The following ADGRL2 variants were observed in gnomAD, a reference collection of about 807,000 sequenced individuals.
ADGRL2 encodes calcium-independent alpha-latrotoxin receptor 2.
In ADGRL2, 44 loss-of-function variants were observed where a neutral mutation model predicts 157.4. The observed-to-expected ratio is 0.28, with a 90% CI of 0.22 to 0.36. ADGRL2 has a LOEUF of 0.36. Among genes scored for constraint, ADGRL2 ranks in the 10% least tolerant of loss-of-function variants. The probability of loss-of-function intolerance (pLI) is 1.00; values close to 1 mark genes in which losing one functional copy is unlikely to be tolerated. For synonymous variants in ADGRL2, 585 were observed against 624.7 expected (o/e 0.94, Z 0.95); for missense variants, 1,510 against 1,768.9 (o/e 0.85, Z 2.63).
intron 3 of ADGRL2, among the ~76,000 whole-genome samples, chr1:81,934,713 T>C (rs887878949): frequency 1.3e-5 from 2 of 151,958 alleles, no homozygotes; most frequent in African/African-American, 4.8e-5. Context: ...TGGAGGAGTT[T>C]TTGTAATCAT....
chr1:81,609,469 G>A (rs764618522), intron 3 of ADGRL2, among the ~76,000 whole-genome samples: 3 of 152,138 alleles, frequency 2.0e-5, no homozygotes, highest in Non-Finnish European at 2.9e-5. Flanking sequence ...GGAAGAAAGT[G>A]AGCTCCTCTC....
intron 2 of ADGRL2, among the ~76,000 whole-genome samples, chr1:81,845,076 A>C (rs2092733177): frequency 6.6e-6 from 1 of 152,260 alleles, no homozygotes; most frequent in Middle Eastern, 3.4e-3. Flanking sequence ...ATAAAGCCAA[A>C]TTATGTATAA....
rs2084369719 is a variant in ADGRL2 at position 81,722,590 on chromosome 1, G to A, written c.-143+22782G>A. 4 of 1,450,882 alleles carry A rather than the reference G, an allele frequency of 2.8e-6. No homozygotes were observed. The Admixed American group carries it at 5.0e-5, about 18-fold the overall frequency. 89.9% of individuals were successfully genotyped at this position (1,450,882 alleles called of 1,614,324 possible). On this transcript the variant is annotated intron_variant, in intron 1 of 20. Transcript: ENST00000359929. ...AGCACACAGACGCCTAGGCCACTGG[G>A]AAGATGTAGCCCATGATCTTGCCCT...
intron 1 of ADGRL2, among the ~76,000 whole-genome samples, chr1:81,347,869 C>T (rs1662591623): frequency 1.3e-5 from 2 of 152,116 alleles, no homozygotes; most frequent in Admixed American, 1.3e-4. Flanking sequence ...AGAGAAAGGA[C>T]AAATGCAAGA....
chr1:81,987,558 T>A (rs1469728757), intron 22 of ADGRL2, among the ~76,000 whole-genome samples: 1 of 151,890 alleles, frequency 6.6e-6, no homozygotes, highest in Non-Finnish European at 1.5e-5. Context: ...ATTAGTTAGC[T>A]TATACCTATA....
intron 2 of ADGRL2, among the ~76,000 whole-genome samples, chr1:81,503,877 C>T (rs1183314943): frequency 1.3e-5 from 2 of 152,212 alleles, no homozygotes; most frequent in African/African-American, 4.8e-5. Flanking sequence ...ACCCCAGGGC[C>T]ACTAGTCTCT....
intron 2 of ADGRL2, among the ~76,000 whole-genome samples, chr1:81,897,843 T>C (rs192600204): frequency 2.8e-4 from 42 of 152,340 alleles, no homozygotes; most frequent in Admixed American, 9.1e-4. Flanking sequence ...TGTATTTAAG[T>C]TGATTTTACT....
At chr1:81,581,870 GCGCGCA>G (rs2080918071) in intron 3 of ADGRL2, among the ~76,000 whole-genome samples, 1 of 15,518 alleles carries the variant, frequency 6.4e-5, no homozygotes, top group Non-Finnish European at 1.4e-4. Context: ...CCACACACAT[GCGCGCA>G]CACACACACA....
intron 3 of ADGRL2, among the ~76,000 whole-genome samples, chr1:81,616,697 G>GTTTTTTTTT (rs2081661296): frequency 1.1e-5 from 1 of 93,700 alleles, no homozygotes; most frequent in Non-Finnish European, 2.3e-5. Context: ...TTTTTTTTGA[G>GTTTTTTTTT]ACAGGGTCTC....
chr1:81,779,144 G>A (rs1355369623), intron 2 of ADGRL2, among the ~76,000 whole-genome samples: 1 of 151,922 alleles, frequency 6.6e-6, no homozygotes, highest in Non-Finnish European at 1.5e-5. Flanking sequence ...ATAAAGTAGT[G>A]AACAAATCAA....
At chr1:81,454,004 A>G (rs2101755100) in intron 2 of ADGRL2, among the ~76,000 whole-genome samples, 1 of 152,300 alleles carries the variant, frequency 6.6e-6, no homozygotes, top group Middle Eastern at 3.4e-3. Context: ...CACAGCTCCA[A>G]TAACAATCAG....
chr1:81,639,084 G>GTTT (rs1418068461), intron 3 of ADGRL2, among the ~76,000 whole-genome samples: 4 of 152,118 alleles, frequency 2.6e-5, no homozygotes, highest in Non-Finnish European at 5.9e-5. Flanking sequence ...TGTTGTTGTT[G>GTTT]TTTGAGACGG....
intron 2 of ADGRL2, among the ~76,000 whole-genome samples, chr1:81,519,006 C>T (rs941691720): frequency 3.3e-5 from 5 of 151,888 alleles, no homozygotes; most frequent in African/African-American, 9.7e-5. Flanking sequence ...AAAGCATTTC[C>T]CTATGTATTT....
intron 19 of ADGRL2, 35 bp from the exon 20 acceptor site, chr1:81,984,548 T>C: frequency 6.5e-7 from 1 of 1,540,534 alleles, no homozygotes; most frequent in Non-Finnish European, 8.8e-7. Flanking sequence ...AAGTGTGTTA[T>C]ATTAATCCCT....
At chr1:81,477,219 A>G (rs1264982945) in intron 2 of ADGRL2, among the ~76,000 whole-genome samples, 1 of 152,206 alleles carries the variant, frequency 6.6e-6, no homozygotes, top group Non-Finnish European at 1.5e-5. Context: ...CATTTTACAG[A>G]TGAGGAAATG....
chr1:81,627,272 G>T (rs1395915741), intron 3 of ADGRL2, among the ~76,000 whole-genome samples: 1 of 152,026 alleles, frequency 6.6e-6, no homozygotes, highest in Admixed American at 6.6e-5. Flanking sequence ...TGCCCTTCAT[G>T]CCTGTGTCTT....
chr1:81,623,874 A>C (rs931584293), intron 3 of ADGRL2, among the ~76,000 whole-genome samples: 3 of 152,062 alleles, frequency 2.0e-5, no homozygotes, highest in Admixed American at 2.0e-4. Context: ...TGACTTCATG[A>C]TTGGCCCTCC....
intron 3 of ADGRL2, among the ~76,000 whole-genome samples, chr1:81,916,997 C>A (rs1425778924): frequency 6.6e-6 from 1 of 150,538 alleles, no homozygotes; most frequent in Non-Finnish European, 1.5e-5. Flanking sequence ...ATATATATGT[C>A]TTTTTTTTTC....
intron 1 of ADGRL2, chr1:81,427,539 A>T: frequency 1.3e-6 from 1 of 748,412 alleles, no homozygotes; most frequent in Non-Finnish European, 2.5e-6. Context: ...GTTTTGGTGG[A>T]AGAAGCTCAT....
Sources: gnomAD v4.1 joint callset for allele counts (sites outside exome capture counted in the v4.1 genomes callset) on GRCh38, gnomAD v4.1.1 for gene constraint, MANE v1.5 for transcripts, NCBI Gene and HGNC (gene_info 2026-07-23, HGNC 2026-07-21) for gene names.